TRMU: variants seen among roughly 807,000 people sequenced by gnomAD.
TRMU encodes the protein mitochondrial tRNA-specific 2-thiouridylase 1.
A neutral mutation model predicts 46.9 loss-of-function variants in TRMU; 49 were observed. The observed-to-expected ratio is 1.05, with a 90% CI of 0.83 to 1.33. The LOEUF is 1.33. Among genes scored for constraint, TRMU ranks in the 40% most tolerant of loss-of-function variants. TRMU has a pLI of 0.00. For synonymous variants in TRMU, 241 were observed against 200.9 expected, an observed-to-expected ratio of 1.20 and a Z score of -1.69; for missense variants, 572 against 532.4, an observed-to-expected ratio of 1.07 and a Z score of -0.73.
chr22:46,356,555 C>A (rs2078614710), intron 10 of TRMU: 1 of 503,872 alleles, frequency 2.0e-6, no homozygotes, highest in Non-Finnish European at 3.6e-6. Flanking sequence ...TCCACATTCC[C>A]AAGGGGTGCA....
rs1355625934 is a variant in TRMU at position 46,352,162 on chromosome 22, T to C, written c.693T>C (p.His231=). ...MCFIGKRNFE[H]FLLQYLQPRP... ...TCATCGGGAAGAGGAATTTTGAACA[T>C]TTCCTTCTTCAGGTGCGTGCTGCTC... The change falls in exon 6 of 11, where the codon CAT becomes CAC. Residue 231 remains histidine, a synonymous_variant. Coordinates refer to ENST00000645190, the MANE Select transcript of TRMU (RefSeq NM_018006.5). 3 of 1,614,036 alleles carry C rather than the reference T, an allele frequency of 1.9e-6. No homozygotes were observed. The highest frequency in any genetic ancestry group is 1.7e-6 in the Non-Finnish European group (2 of 1,180,048).
intron 8 of TRMU, 140 bp from the exon 9 acceptor site, chr22:46,355,304 G>T: frequency 1.5e-6 from 2 of 1,325,862 alleles, no homozygotes; most frequent in Non-Finnish European, 2.1e-6. Flanking sequence ...ATTTCTGTGG[G>T]TAGAACACTT....
Position 46,355,573 on chromosome 22 carries a change from C to T in TRMU, c.1003C>T (p.His335Tyr), listed in dbSNP as rs1205652365. ...GATGGAGTGCCACTTCCGATTCCGC[C>T]ACCAGATGGCACTAGGTGACTGACG... ...KMMECHFRFR[H>Y]QMALVPCVLT... The change falls in exon 9 of 11, where the codon CAC becomes TAC. Residue 335 changes from histidine to tyrosine, a missense_variant. His to Tyr is a moderately conservative substitution (Grantham distance 83). Transcript: ENST00000645190. 1 of 1,613,390 alleles carries T rather than the reference C, an allele frequency of 6.2e-7. No individual in the cohort carries two copies. Among genetic ancestry groups the T allele is most frequent in the Admixed American group, 1.7e-5 (1 of 60,032 alleles).
In TRMU at chr22:46,355,454, C is replaced by T; in HGVS notation, c.884C>T (p.Thr295Ile). Residue 295 changes from threonine (T) to isoleucine (I), a missense_variant, in exon 9 of 11, where the codon ACA becomes ATA. Physicochemically the swap from Thr to Ile is moderately conservative, Grantham distance 89. Transcript: ENST00000645190. ...VKGDVFVAPR[T>I]DHPALYRDLL... is the part of the protein sequence containing the mutation. ...CATTCCATTCTGCAGGCCCCCCGGA[C>T]AGACCACCCAGCCCTGTACAGGGAC... 6.2e-7 allele frequency: 1 copy of T among 1,612,834 alleles called. No homozygotes were observed.
rs921915146 is a variant in TRMU, at chr22:46,348,467, G to A, written c.479-1824G>A. ...GGCCCAGCCTGGGTCTCTGGGTAGA[G>A]CACCTGCAGGGGCAGTGGACGGCCT... is the stretch of plus-strand genomic sequence containing the variant. On this transcript the variant is annotated intron_variant, in intron 4 of 10. Coordinates refer to ENST00000645190, the MANE Select transcript of TRMU (RefSeq NM_018006.5). This position sits in a 1 kb window ranked among gnomAD's most constrained non-coding sequence, Gnocchi z 4.8. Among the ~76,000 whole-genome samples, 2 of 152,216 alleles carry A rather than the reference G, an allele frequency of 1.3e-5. No homozygotes were observed. The highest frequency in any genetic ancestry group is 6.5e-5 in the Admixed American group (1 of 15,280).
At position 46,356,001 on chromosome 22, in the gene TRMU, C is replaced by G; in HGVS notation, c.1030C>G (p.Leu344Val). 1 of 1,614,000 alleles carries G rather than the reference C, an allele frequency of 6.2e-7. No individual in the cohort carries two copies. The highest frequency in any genetic ancestry group is 8.5e-7 in the Non-Finnish European group (1 of 1,179,994). ...RHQMALVPCVLTLNQDGTVWV... is the reference protein window; with the variant it reads ...RHQMALVPCVVTLNQDGTVWV... ...TCTCTTCTACCCAGTGCCCTGTGTG[C>G]TGACCCTCAATCAAGATGGCACCGT... is the stretch of plus-strand genomic sequence containing the variant. The change falls in exon 10 of 11, where the codon CTG becomes GTG. Residue 344 changes from leucine (L) to valine (V), a missense_variant. Transcript: ENST00000645190.
chr22:46,349,937 A>T lies in TRMU; in HGVS notation c.479-354A>T, dbSNP rs1334262520. 4.0e-5 allele frequency among the ~76,000 whole-genome samples: 6 copies of T among 151,660 alleles called. No homozygotes were observed. Among genetic ancestry groups the T allele is most frequent in the Non-Finnish European group, 5.9e-5 (4 of 67,988 alleles). ...TCAGTGGAATTTTCTGCCAGCAACT[A>T]GCTTACTCCATTTTCCAAGATTTGG... On this transcript the variant is annotated intron_variant, in intron 4 of 10. Coordinates refer to ENST00000645190, the MANE Select transcript of TRMU (RefSeq NM_018006.5). This position sits in a 1 kb window ranked among gnomAD's most constrained non-coding sequence, Gnocchi z 4.6.
rs1025185979 is a variant in TRMU, at chr22:46,348,486, A to G, written c.479-1805A>G. On this transcript the variant is annotated intron_variant, in intron 4 of 10. Transcript: ENST00000645190. The surrounding 1 kb of genome is among the most constrained non-coding windows in gnomAD (Gnocchi z 4.8). ...GGTAGAGCACCTGCAGGGGCAGTGG[A>G]CGGCCTGGGCTCAGGGTCGGTCAGC... Among the ~76,000 whole-genome samples, 1 of 152,150 alleles carries G rather than the reference A, an allele frequency of 6.6e-6. No individual in the cohort carries two copies. The highest frequency in any genetic ancestry group is 1.5e-5 in the Non-Finnish European group (1 of 68,022).
intron 9 of TRMU, 105 bp from the exon 10 acceptor site, chr22:46,355,885 G>C (rs979980438): frequency 5.3e-6 from 7 of 1,315,796 alleles, no homozygotes; most frequent in African/African-American, 1.8e-5. Context: ...TCCCCTCTAA[G>C]CAGGGGTTTT....
rs371116918 is a variant in TRMU, at chr22:46,352,047, G to A, written c.652-74G>A. ...GTGAGGCCGGGAGGCCCCAGGGCCC[G>A]CTCAGGACGTCTGGGTACAGCTTGG... On this transcript the variant is annotated intron_variant, in intron 5 of 10. Transcript: ENST00000645190. 6,923 of 1,554,128 alleles carry A rather than the reference G, an allele frequency of 4.5e-3. 37 individuals carry two copies. The highest frequency in any genetic ancestry group is 7.4e-3 in the Middle Eastern group (32 of 4,328).
Position 46,348,319 on chromosome 22 carries a change from G to T in TRMU, c.478+1775G>T, listed in dbSNP as rs1430991871. Among the ~76,000 whole-genome samples the T allele has an allele frequency of 6.6e-6, 1 of 152,248 alleles. No individual in the cohort carries two copies. Among genetic ancestry groups the T allele is most frequent in the Non-Finnish European group, 1.5e-5 (1 of 68,036 alleles). On this transcript the variant is annotated intron_variant, in intron 4 of 10. Coordinates refer to ENST00000645190, the MANE Select transcript of TRMU (RefSeq NM_018006.5). The surrounding 1 kb of genome is among the most constrained non-coding windows in gnomAD (Gnocchi z 4.8). ...CACGTGCCCTCGGAAACTTGGGACA[G>T]TACTGATGCGTTCTGTTGAGTGCGT...
In TRMU at chr22:46,350,912, G is replaced by A. The variant is rs532032058; in HGVS notation, c.651+449G>A. 3.3e-5 allele frequency among the ~76,000 whole-genome samples: 5 copies of A among 152,346 alleles called. No individual in the cohort carries two copies. Among genetic ancestry groups the A allele is most frequent in the Admixed American group, 1.3e-4 (2 of 15,304 alleles). ...TGTTCGGGCGCTGTGCTGCTGGGCCGCGAGGAATTGGTGACGCGCACACAG... is the reference window on the plus strand; with the variant it reads ...TGTTCGGGCGCTGTGCTGCTGGGCCACGAGGAATTGGTGACGCGCACACAG... On this transcript the variant is annotated intron_variant, in intron 5 of 10. Transcript: ENST00000645190. This position sits in a 1 kb window ranked among gnomAD's most constrained non-coding sequence, Gnocchi z 4.6.
At chr22:46,344,824 G>C (rs114761740) in intron 3 of TRMU, among the ~76,000 whole-genome samples, 1,965 of 152,336 alleles carry the variant, frequency 0.013, 39 homozygotes, top group African/African-American at 0.046. Flanking sequence ...TGAGGACACA[G>C]ATGTAAAGTG....
chr22:46,353,496 C>G, intron 7 of TRMU: 1 of 405,322 alleles, frequency 2.5e-6, no homozygotes, highest in South Asian at 2.1e-5. Context: ...TCAGGGGCTC[C>G]TACAGCTGGA....
Position 46,351,931 on chromosome 22 carries a change from C to T in TRMU, c.652-190C>T. On this transcript the variant is annotated intron_variant, in intron 5 of 10. Coordinates refer to ENST00000645190, the MANE Select transcript of TRMU (RefSeq NM_018006.5). This position sits in a 1 kb window ranked among gnomAD's most constrained non-coding sequence, Gnocchi z 6.4. The stretch of plus-strand genomic sequence containing the variant: ...GCGGGCCGAGACAATGAGGCGTTCT[C>T]TAAGGCTCTGGCATCGTGTGCGCCG... The T allele has an allele frequency of 1.3e-6, 1 of 742,668 alleles. No homozygotes were observed. The highest frequency in any genetic ancestry group is 2.4e-6 in the Non-Finnish European group (1 of 411,058). The allele number at this position is 742,668 out of a possible 1,614,324, so 46.0% of individuals were successfully genotyped here.
At position 46,347,667 on chromosome 22, in the gene TRMU, C is replaced by T. The variant is rs1191640392; in HGVS notation, c.478+1123C>T. ...GCCCGGCCTCACACGTTTCACATCACTCCTCTTAGCAGTCCATGAGGTGTA... is the reference window on the plus strand; with the variant it reads ...GCCCGGCCTCACACGTTTCACATCATTCCTCTTAGCAGTCCATGAGGTGTA... On this transcript the variant is annotated intron_variant, in intron 4 of 10. Coordinates refer to ENST00000645190, the MANE Select transcript of TRMU (RefSeq NM_018006.5). This position sits in a 1 kb window ranked among gnomAD's most constrained non-coding sequence, Gnocchi z 5.0. 2.0e-5 allele frequency among the ~76,000 whole-genome samples: 3 copies of T among 152,238 alleles called. No individual in the cohort carries two copies. The highest frequency in any genetic ancestry group is 6.5e-5 in the Admixed American group (1 of 15,288).
Position 46,350,355 on chromosome 22 carries a change from C to G in TRMU, c.543C>G (p.Ser181=), listed in dbSNP as rs1279588683. 1.2e-6 allele frequency: 2 copies of G among 1,614,074 alleles called. No individual in the cohort carries two copies. The highest frequency in any genetic ancestry group is 4.5e-5 in the East Asian group (2 of 44,896). ...KDQTFFLSQV[S]QDALRRTIFP... Reference sequence around the variant, plus strand: ...AGACCTTCTTTCTCAGCCAGGTTTCCCAGGATGCCCTGAGGAGAACCATCT... The same window carrying G: ...AGACCTTCTTTCTCAGCCAGGTTTCGCAGGATGCCCTGAGGAGAACCATCT... The change falls in exon 5 of 11, where the codon TCC becomes TCG. Residue 181 remains serine, a synonymous_variant. Coordinates refer to ENST00000645190, the MANE Select transcript of TRMU (RefSeq NM_018006.5). This position sits in a 1 kb window ranked among gnomAD's most constrained non-coding sequence, Gnocchi z 4.6.
At chr22:46,355,297 T>A in intron 8 of TRMU, 147 bp from the exon 9 acceptor site, 1 of 1,273,016 alleles carries the variant, frequency 7.9e-7, no homozygotes, top group East Asian at 2.6e-5. Context: ...GAGATGAATT[T>A]CTGTGGGTAG....
chr22:46,349,961 G>C lies in TRMU; in HGVS notation c.479-330G>C, dbSNP rs985427034. 6.6e-6 allele frequency among the ~76,000 whole-genome samples: 1 copy of C among 151,134 alleles called. No individual in the cohort carries two copies. Among genetic ancestry groups the C allele is most frequent in the Non-Finnish European group, 1.5e-5 (1 of 67,934 alleles). ...TAGCTTACTCCATTTTCCAAGATTT[G>C]GCTGAATTTATTTTAGGTGTTTTTT... On this transcript the variant is annotated intron_variant, in intron 4 of 10. Transcript: ENST00000645190. This position sits in a 1 kb window ranked among gnomAD's most constrained non-coding sequence, Gnocchi z 4.6.
Sources: allele counts gnomAD v4.1 joint callset (sites outside exome capture counted in the v4.1 genomes callset), GRCh38; gene constraint gnomAD v4.1.1; non-coding constraint Gnocchi (gnomAD v3.1); transcripts MANE v1.5; gene names NCBI Gene and HGNC (gene_info 2026-07-23, HGNC 2026-07-21).